The following PTPN13 variants were observed in gnomAD, a reference collection of about 807,000 sequenced individuals.
PTPN13 encodes the protein tyrosine-protein phosphatase non-receptor type 13.
PTPN13 carries 191 observed loss-of-function variants against 284.0 expected under a neutral mutation model. The ratio of observed to expected loss-of-function variants is 0.67; its 90% confidence interval spans 0.60 to 0.76. The LOEUF is 0.76. PTPN13 is among the 30% of genes least tolerant of loss of function. The pLI, the probability that PTPN13 is intolerant of heterozygous loss-of-function variation, is 0.00. For synonymous variants in PTPN13, 986 were observed against 1,022.3 expected, an observed-to-expected ratio of 0.96 and a Z score of 0.68; for missense variants, 2,797 against 2,939.9, an observed-to-expected ratio of 0.95 and a Z score of 1.12.
At chr4:86,643,200 A>C (rs1401902547) in intron 2 of PTPN13, among the ~76,000 whole-genome samples, 1 of 152,226 alleles carries the variant, frequency 6.6e-6, no homozygotes, top group African/African-American at 2.4e-5. Flanking sequence ...TAAAAAGATA[A>C]TAGAATAAAG....
intron 17 of PTPN13, among the ~76,000 whole-genome samples, chr4:86,749,729 C>T (rs1229526648): frequency 1.3e-5 from 2 of 152,108 alleles, no homozygotes; most frequent in African/African-American, 4.8e-5. Flanking sequence ...ATGCCCAGCT[C>T]CCTGATCATG....
rs1247393998 is a variant in PTPN13, at chr4:86,762,876, C to T, written c.3703C>T (p.Pro1235Ser). ...GCACATCTCGGAGAACTCCTTTGGG[C>T]CATCTGGGGGCCTGCGGGAAGGAAG... ...LRHISENSFG[P>S]SGGLREGSLS... Residue 1235 changes from proline (P) to serine (S), a missense_variant, in exon 24 of 48, where the codon CCA (proline) becomes TCA (serine). Coordinates refer to ENST00000411767, the MANE Select transcript of PTPN13 (RefSeq NM_080683.3). 6.2e-7 allele frequency: 1 copy of T among 1,613,834 alleles called. No homozygotes were observed.
At chr4:86,661,191 C>T (rs964418029) in intron 2 of PTPN13, 6 of 399,652 alleles carry the variant, frequency 1.5e-5, no homozygotes, top group African/African-American at 2.2e-5. Context: ...ACATATCACA[C>T]AGATAATATT....
intron 1 of PTPN13, among the ~76,000 whole-genome samples, chr4:86,605,613 G>A (rs1429515330): frequency 6.6e-6 from 1 of 151,826 alleles, no homozygotes; most frequent in Admixed American, 6.6e-5. Context: ...TGGGCCTATT[G>A]ATGAATAGAA....
chr4:86,669,011 A>C (rs2148881216), intron 2 of PTPN13, among the ~76,000 whole-genome samples: 1 of 151,566 alleles, frequency 6.6e-6, no homozygotes, highest in East Asian at 1.9e-4. Context: ...TTCCTTGTAC[A>C]AACTTAGTAA....
chr4:86,718,976 C>CT (rs1733341935), intron 9 of PTPN13, among the ~76,000 whole-genome samples: 1 of 151,930 alleles, frequency 6.6e-6, no homozygotes, highest in African/African-American at 2.4e-5. Flanking sequence ...TTACAGTTTT[C>CT]TTTTTATTTT....
intron 2 of PTPN13, among the ~76,000 whole-genome samples, chr4:86,669,803 T>G (rs1473942802): frequency 6.6e-6 from 1 of 152,162 alleles, no homozygotes; most frequent in Non-Finnish European, 1.5e-5. Flanking sequence ...TTAGCTGTGA[T>G]CCGCAATCAT....
chr4:86,664,114 A>G (rs1726809335), intron 2 of PTPN13, among the ~76,000 whole-genome samples: 1 of 149,440 alleles, frequency 6.7e-6, no homozygotes. Context: ...AGATTCCTGT[A>G]CTCTGTCTCC....
At chr4:86,780,552 G>T in intron 36 of PTPN13, 80 bp downstream of exon 36, 1 of 931,614 alleles carries the variant, frequency 1.1e-6, no homozygotes, top group South Asian at 1.4e-5. Context: ...AAAACAGGTT[G>T]ACAATTTCTT....
chr4:86,715,452 C>T (rs1025590601), intron 7 of PTPN13, among the ~76,000 whole-genome samples: 8 of 152,206 alleles, frequency 5.3e-5, no homozygotes, highest in South Asian at 2.1e-4. Flanking sequence ...GGGAGCCAGG[C>T]GTGGTGGCAC....
chr4:86,625,030 C>T (rs2148677332), intron 1 of PTPN13, among the ~76,000 whole-genome samples: 1 of 152,220 alleles, frequency 6.6e-6, no homozygotes, highest in Admixed American at 6.5e-5. Context: ...GGCCATTAGA[C>T]AAGAAGTCCT....
intron 2 of PTPN13, among the ~76,000 whole-genome samples, chr4:86,669,468 T>C (rs1334114607): frequency 1.3e-5 from 2 of 151,978 alleles, no homozygotes; most frequent in African/African-American, 2.4e-5. Context: ...TATATGTCCA[T>C]TAAAAACAAA....
intron 6 of PTPN13, among the ~76,000 whole-genome samples, chr4:86,700,715 T>C (rs1565356419): frequency 6.6e-6 from 1 of 152,196 alleles, no homozygotes; most frequent in Non-Finnish European, 1.5e-5. Context: ...AAAATCTTGA[T>C]ACTTAAGAAT....
chr4:86,691,177 T>C (rs1729984550), intron 5 of PTPN13, among the ~76,000 whole-genome samples: 1 of 150,690 alleles, frequency 6.6e-6, no homozygotes, highest in Non-Finnish European at 1.5e-5. Flanking sequence ...TAGTGAGGCA[T>C]GATTGCACCA....
chr4:86,780,258 G>A (rs1741143736), intron 35 of PTPN13, 144 bp from the exon 36 acceptor site: 2 of 660,336 alleles, frequency 3.0e-6, no homozygotes, highest in East Asian at 5.5e-5. Context: ...AAAATAGCTG[G>A]GCATGGTGGC....
At chr4:86,712,842 GAA>G (rs1489200212) in intron 7 of PTPN13, among the ~76,000 whole-genome samples, 1 of 151,818 alleles carries the variant, frequency 6.6e-6, no homozygotes, top group Admixed American at 6.6e-5. Flanking sequence ...CCCAGAGATT[GAA>G]AAAAGTTTAT....
chr4:86,686,037 T>G (rs1261265449), intron 3 of PTPN13, among the ~76,000 whole-genome samples: 1 of 152,168 alleles, frequency 6.6e-6, no homozygotes, highest in Non-Finnish European at 1.5e-5. Context: ...CTCTAAGCAT[T>G]GATATGGAAA....
At chr4:86,712,657 G>A (rs985368118) in intron 7 of PTPN13, among the ~76,000 whole-genome samples, 9 of 151,960 alleles carry the variant, frequency 5.9e-5, no homozygotes. Context: ...TTTGTGTTTT[G>A]GAGTACCAGT....
At chr4:86,654,683 A>G (rs890000376) in intron 2 of PTPN13, among the ~76,000 whole-genome samples, 1 of 152,144 alleles carries the variant, frequency 6.6e-6, no homozygotes, top group African/African-American at 2.4e-5. Flanking sequence ...TTTTGGAATA[A>G]GTGTGATGTG....
Sources: gnomAD v4.1 joint callset for allele counts (sites outside exome capture counted in the v4.1 genomes callset) on GRCh38, gnomAD v4.1.1 for gene constraint, MANE v1.5 for transcripts, NCBI Gene and HGNC (gene_info 2026-07-23, HGNC 2026-07-21) for gene names.